Variants in RIT2 observed in about 807,000 individuals in gnomAD.
The protein encoded by RIT2 is Ras like without CAAX 2.
RIT2 carries 24 observed loss-of-function variants against 23.7 expected under a neutral mutation model. The ratio of observed to expected loss-of-function variants is 1.01; its 90% CI spans 0.73 to 1.43. The LOEUF (loss-of-function observed/expected upper bound fraction) is 1.43. RIT2 is among the 40% of genes most tolerant of loss of function. The pLI, the probability that RIT2 is intolerant of heterozygous loss-of-function variation, is 0.00. For missense variants in RIT2, 236 were observed against 266.9 expected (o/e 0.88, Z 0.81); for synonymous variants, 107 against 91.1 (o/e 1.17, Z -0.99).
At chr18:42,886,846 T>TTTC (rs953379281) in intron 4 of RIT2, among the ~76,000 whole-genome samples, 1 of 152,156 alleles carries the variant, frequency 6.6e-6, no homozygotes, top group African/African-American at 2.4e-5. Context: ...ATTCTTTGGG[T>TTTC]TAGAAACAAA....
At chr18:43,019,514 A>G (rs1030671929) in intron 2 of RIT2, among the ~76,000 whole-genome samples, 1 of 151,996 alleles carries the variant, frequency 6.6e-6, no homozygotes, top group Non-Finnish European at 1.5e-5. Flanking sequence ...AACCCCAAAA[A>G]CTAGACATAG....
At chr18:42,889,031 A>G (rs1238159296) in intron 4 of RIT2, among the ~76,000 whole-genome samples, 1 of 152,090 alleles carries the variant, frequency 6.6e-6, no homozygotes, top group Non-Finnish European at 1.5e-5. Flanking sequence ...ACAAATCTGC[A>G]CATGTGCCCC....
chr18:43,092,719 T>C (rs1303447495), intron 1 of RIT2, among the ~76,000 whole-genome samples: 1 of 152,016 alleles, frequency 6.6e-6, no homozygotes, highest in Non-Finnish European at 1.5e-5. Context: ...GTCAAAACAG[T>C]TTCTCAATAT....
intron 3 of RIT2, among the ~76,000 whole-genome samples, chr18:42,933,498 T>C (rs1022416156): frequency 6.6e-6 from 1 of 152,116 alleles, no homozygotes; most frequent in Admixed American, 6.6e-5. Context: ...TGAGAGTTAA[T>C]TGAATCGTGG....
At chr18:42,913,958 AATATAT>A (rs1438771888) in intron 4 of RIT2, among the ~76,000 whole-genome samples, 3 of 152,060 alleles carry the variant, frequency 2.0e-5, no homozygotes, top group Admixed American at 1.3e-4. Flanking sequence ...GTACCTGATA[AATATAT>A]ATAATTTTAC....
At chr18:43,105,488 G>T (rs1341313355) in intron 1 of RIT2, among the ~76,000 whole-genome samples, 4 of 137,372 alleles carry the variant, frequency 2.9e-5, no homozygotes, top group Non-Finnish European at 4.7e-5. Context: ...AAGGGAGGAA[G>T]GGAGGAAGAA....
intron 4 of RIT2, among the ~76,000 whole-genome samples, chr18:42,922,504 T>C (rs1396785268): frequency 1.3e-5 from 2 of 152,112 alleles, no homozygotes; most frequent in Non-Finnish European, 2.9e-5. Context: ...TTTACAAAAA[T>C]TTGATTTGCA....
At chr18:43,093,073 C>A (rs1403189791) in intron 1 of RIT2, among the ~76,000 whole-genome samples, 1 of 152,026 alleles carries the variant, frequency 6.6e-6, no homozygotes, top group African/African-American at 2.4e-5. Flanking sequence ...CACTAACACT[C>A]ATTTTATTAG....
At chr18:43,025,999 A>G (rs1015685219) in intron 2 of RIT2, among the ~76,000 whole-genome samples, 1 of 152,104 alleles carries the variant, frequency 6.6e-6, no homozygotes, top group African/African-American at 2.4e-5. Flanking sequence ...AGGCAAATAA[A>G]TAACTCTGTT....
intron 4 of RIT2, among the ~76,000 whole-genome samples, chr18:42,836,067 C>T (rs78775935): frequency 0.013 from 1,987 of 152,246 alleles, 51 homozygotes; most frequent in African/African-American, 0.045. Flanking sequence ...TTACACACTT[C>T]TTACTCCCAT....
At chr18:43,080,135 T>G (rs1201700401) in intron 1 of RIT2, among the ~76,000 whole-genome samples, 1 of 152,218 alleles carries the variant, frequency 6.6e-6, no homozygotes, top group Non-Finnish European at 1.5e-5. Flanking sequence ...TCTAATAGAC[T>G]TTCAGGCCAC....
chr18:42,934,161 T>A lies in RIT2; in HGVS notation c.235-10398A>T, dbSNP rs546658785. 3.3e-5 allele frequency among the ~76,000 whole-genome samples: 5 copies of A among 152,174 alleles called. 1 individual carries two copies. The highest frequency in any genetic ancestry group is 1.2e-4 in the African/African-American group (5 of 41,546). Reference sequence around the variant, plus strand: ...TGCATACAAATATAGTAGGAAAAAATTTAAATATATAGAAAAAAATCATTG... The same window carrying A: ...TGCATACAAATATAGTAGGAAAAAAATTAAATATATAGAAAAAAATCATTG... On this transcript the variant is annotated intron_variant, in intron 3 of 4. Coordinates refer to ENST00000326695, the MANE Select transcript of RIT2 (RefSeq NM_002930.4).
chr18:43,033,107 C>T (rs774176042), intron 2 of RIT2, among the ~76,000 whole-genome samples: 1 of 152,116 alleles, frequency 6.6e-6, no homozygotes, highest in Non-Finnish European at 1.5e-5. Context: ...ACAAAGAGTA[C>T]TACGGTGGAC....
At position 42,806,394 on chromosome 18, in the gene RIT2, G is replaced by A. The variant is rs555142491; in HGVS notation, c.427-62674C>T. Among the ~76,000 whole-genome samples the A allele has an allele frequency of 1.1e-3, 167 of 152,002 alleles. No individual in the cohort carries two copies. In the Middle Eastern group the frequency reaches 0.014, roughly 12 times the overall value. On this transcript the variant is annotated intron_variant, in intron 4 of 4. Coordinates refer to ENST00000326695, the MANE Select transcript of RIT2 (RefSeq NM_002930.4). Reference sequence around the variant, plus strand: ...TGAGGCAGGAGAATCACTTGAATCCGGGAGGCAGAGGTTGCAGTGAGCTGT... The same window carrying A: ...TGAGGCAGGAGAATCACTTGAATCCAGGAGGCAGAGGTTGCAGTGAGCTGT...
intron 2 of RIT2, among the ~76,000 whole-genome samples, chr18:43,026,636 G>GAAAGAAAGAA (rs1213553404): frequency 7.0e-6 from 1 of 143,664 alleles, no homozygotes; most frequent in Non-Finnish European, 1.5e-5. Flanking sequence ...AAGAAAGAAA[G>GAAAGAAAGAA]AGAGAAAGAA....
chr18:42,922,947 G>T (rs968669142), intron 4 of RIT2, among the ~76,000 whole-genome samples: 4 of 152,082 alleles, frequency 2.6e-5, no homozygotes, highest in African/African-American at 9.7e-5. Flanking sequence ...ATCTATTGCT[G>T]CATGAAAAAT....
chr18:42,901,543 C>A (rs1180535385), intron 4 of RIT2, among the ~76,000 whole-genome samples: 1 of 151,874 alleles, frequency 6.6e-6, no homozygotes, highest in African/African-American at 2.4e-5. Flanking sequence ...TTAAAAATCT[C>A]CCAATTATAA....
intron 1 of RIT2, among the ~76,000 whole-genome samples, chr18:43,060,642 A>C (rs953686858): frequency 5.3e-5 from 8 of 152,134 alleles, no homozygotes; most frequent in African/African-American, 1.9e-4. Flanking sequence ...TAACATTGAA[A>C]CTTTCAAAAT....
chr18:42,930,654 C>T (rs775951980), intron 3 of RIT2, among the ~76,000 whole-genome samples: 6 of 152,034 alleles, frequency 3.9e-5, no homozygotes, highest in Non-Finnish European at 8.8e-5. Context: ...AACTTAAGGG[C>T]CATCATGTCC....
Sources: gnomAD v4.1 joint callset for allele counts (sites outside exome capture counted in the v4.1 genomes callset) on GRCh38, gnomAD v4.1.1 for gene constraint, MANE v1.5 for transcripts, NCBI Gene and HGNC (gene_info 2026-07-23, HGNC 2026-07-21) for gene names.